The following HIVEP3 variants were observed in gnomAD, a reference collection of about 807,000 sequenced individuals.
HIVEP3 encodes the protein HIVEP zinc finger 3, also known as transcription factor HIVEP3.
A neutral mutation model predicts 152.8 loss-of-function variants in HIVEP3; 49 were observed. The ratio of observed to expected loss-of-function variants is 0.32; its 90% confidence interval spans 0.26 to 0.41. The LOEUF is 0.41. Among genes scored for constraint, HIVEP3 ranks in the 10% least tolerant of loss-of-function variants. The pLI is 1.00. For missense variants in HIVEP3, 2,790 were observed against 3,103.3 expected (o/e 0.90, Z 2.40); for synonymous variants, 1,269 against 1,289.0 (o/e 0.98, Z 0.33).
intron 2 of HIVEP3, among the ~76,000 whole-genome samples, chr1:41,668,822 T>C (rs1233367923): frequency 6.6e-6 from 1 of 152,248 alleles, no homozygotes; most frequent in East Asian, 1.9e-4. Flanking sequence ...CATCAAAATA[T>C]TTCTCACATT....
At chr1:41,930,593 A>G (rs1644991467) in intron 1 of HIVEP3, among the ~76,000 whole-genome samples, 1 of 152,198 alleles carries the variant, frequency 6.6e-6, no homozygotes. Context: ...TGGGTTTCTA[A>G]GTGAACACAA....
chr1:41,640,641 C>T lies in HIVEP3; in HGVS notation c.-720-11694G>A, dbSNP rs574942447. 2.0e-5 allele frequency among the ~76,000 whole-genome samples: 3 copies of T among 152,308 alleles called. No homozygotes were observed. The East Asian group carries it at 5.8e-4, about 29-fold the overall frequency. On this transcript the variant is annotated intron_variant, in intron 2 of 8. Transcript: ENST00000372583. Reference sequence around the variant, plus strand: ...CCCTTTCTCCCAGGGAGCCCAAAACCTGAGCTGCTTCCCCGCAAGAAGGCT... The same window carrying T: ...CCCTTTCTCCCAGGGAGCCCAAAACTTGAGCTGCTTCCCCGCAAGAAGGCT...
chr1:42,026,286 G>A (rs944819427), intron 1 of HIVEP3, among the ~76,000 whole-genome samples: 1 of 152,078 alleles, frequency 6.6e-6, no homozygotes, highest in Non-Finnish European at 1.5e-5. Flanking sequence ...AGCAAGGCAC[G>A]TACTTTGACA....
At chr1:41,644,098 C>T (rs1347603935) in intron 2 of HIVEP3, among the ~76,000 whole-genome samples, 3 of 151,958 alleles carry the variant, frequency 2.0e-5, no homozygotes. Flanking sequence ...GTTGCCCAGG[C>T]TGGTCTCAAA....
chr1:41,694,683 C>T (rs1646246245), intron 2 of HIVEP3, among the ~76,000 whole-genome samples: 1 of 152,196 alleles, frequency 6.6e-6, no homozygotes, highest in South Asian at 2.1e-4. Flanking sequence ...CCATCCTCAC[C>T]AAGCAACAGG....
chr1:41,592,549 G>C (rs1303705520), intron 3 of HIVEP3, among the ~76,000 whole-genome samples: 1 of 152,178 alleles, frequency 6.6e-6, no homozygotes, highest in Non-Finnish European at 1.5e-5. Context: ...TCCATCTAGT[G>C]ATACCTGCTA....
intron 2 of HIVEP3, among the ~76,000 whole-genome samples, chr1:41,699,625 G>A (rs1646330988): frequency 6.6e-6 from 1 of 152,198 alleles, no homozygotes; most frequent in South Asian, 2.1e-4. Context: ...TGTGGCTGGA[G>A]TGGCAGCCCA....
At chr1:42,030,038 G>A (rs1410891497) in intron 1 of HIVEP3, among the ~76,000 whole-genome samples, 2 of 152,132 alleles carry the variant, frequency 1.3e-5, no homozygotes, top group Non-Finnish European at 2.9e-5. Context: ...TGGAAATACT[G>A]CCTTTCTCCC....
intron 4 of HIVEP3, 58 bp from the exon 5 acceptor site, chr1:41,575,747 G>T: frequency 6.4e-7 from 1 of 1,569,234 alleles, no homozygotes; most frequent in Admixed American, 1.7e-5. Flanking sequence ...CCTCAGTCAC[G>T]AATGCAATGC....
At chr1:41,715,785 A>G (rs1250622575) in intron 1 of HIVEP3, among the ~76,000 whole-genome samples, 1 of 152,204 alleles carries the variant, frequency 6.6e-6, no homozygotes, top group Non-Finnish European at 1.5e-5. Context: ...ACTGAAGTTT[A>G]TCAAACACCA....
intron 1 of HIVEP3, among the ~76,000 whole-genome samples, chr1:41,869,973 G>A (rs1257028249): frequency 1.3e-5 from 2 of 152,164 alleles, no homozygotes; most frequent in African/African-American, 4.8e-5. Context: ...TAACACGTTT[G>A]GAGGACAAAC....
At chr1:41,945,087 A>G (rs1047878946) in intron 1 of HIVEP3, among the ~76,000 whole-genome samples, 2 of 152,176 alleles carry the variant, frequency 1.3e-5, no homozygotes, top group Non-Finnish European at 2.9e-5. Flanking sequence ...CTATATGTAC[A>G]AACTTTCTTT....
chr1:41,562,645 C>CTTTG (rs1644096103), intron 5 of HIVEP3, among the ~76,000 whole-genome samples: 2 of 140,214 alleles, frequency 1.4e-5, no homozygotes, highest in Admixed American at 1.4e-4. Context: ...CTCTCTCTCT[C>CTTTG]TTTCTTTCTT....
In HIVEP3 at chr1:41,868,589, A is replaced by G. The variant is rs140450596; in HGVS notation, c.-801+49824T>C. The stretch of plus-strand genomic sequence containing the variant: ...ACTCATATTCCAACTGAACTAGTCA[A>G]TTATCTCAGGGGAAAACAACAAACG... On this transcript the variant is annotated intron_variant, in intron 1 of 8. Coordinates refer to ENST00000372583, the MANE Select transcript of HIVEP3 (RefSeq NM_024503.5). Among the ~76,000 whole-genome samples the G allele has an allele frequency of 1.7e-4, 26 of 152,320 alleles. No homozygotes were observed. The East Asian group carries it at 3.3e-3, about 19-fold the overall frequency.
intron 2 of HIVEP3, among the ~76,000 whole-genome samples, chr1:41,697,905 T>A (rs17373009): frequency 0.026 from 4,006 of 152,182 alleles, 65 homozygotes; most frequent in Non-Finnish European, 0.039. Flanking sequence ...CTACCCAGGG[T>A]CATTCAAGCA....
intron 3 of HIVEP3, among the ~76,000 whole-genome samples, chr1:41,602,336 A>C (rs1165123273): frequency 1.3e-5 from 2 of 152,152 alleles, no homozygotes; most frequent in Non-Finnish European, 2.9e-5. Context: ...AATCTTTAAA[A>C]AATATTTTGG....
chr1:41,645,058 A>G (rs1192512726), intron 2 of HIVEP3, among the ~76,000 whole-genome samples: 2 of 152,208 alleles, frequency 1.3e-5, no homozygotes, highest in Non-Finnish European at 2.9e-5. Context: ...ACCCAGACCC[A>G]ACATTCCAGA....
At chr1:41,824,784 T>TATATATATATAGAGAG (rs1553266584) in intron 1 of HIVEP3, among the ~76,000 whole-genome samples, 4 of 11,392 alleles carry the variant, frequency 3.5e-4, no homozygotes, top group Admixed American at 1.2e-3. Context: ...TATATATATA[T>TATATATATATAGAGAG]AGAGAGAGAG....
chr1:41,605,976 G>T (rs1644817720), intron 3 of HIVEP3, among the ~76,000 whole-genome samples: 1 of 152,216 alleles, frequency 6.6e-6, no homozygotes. Context: ...TAGGATGGCA[G>T]CAAGTACTGA....
Sources: gnomAD v4.1 joint callset for allele counts (sites outside exome capture counted in the v4.1 genomes callset) on GRCh38, gnomAD v4.1.1 for gene constraint, MANE v1.5 for transcripts, NCBI Gene and HGNC (gene_info 2026-07-23, HGNC 2026-07-21) for gene names.